The following LRRC66 variants were observed in gnomAD, a reference collection of about 807,000 sequenced individuals.
The protein encoded by LRRC66 is leucine rich repeat containing 66, also known as leucine-rich repeat-containing protein 66.
A neutral mutation model predicts 24.6 loss-of-function variants in LRRC66; 29 were observed. The observed-to-expected ratio is 1.18, with a 90% CI of 0.88 to 1.61. The LOEUF is 1.61. LRRC66 is among the 40% of genes most tolerant of loss of function. The probability of loss-of-function intolerance (pLI) is 0.00; values close to 1 mark genes in which losing one functional copy is unlikely to be tolerated. For missense variants in LRRC66, 1,124 were observed against 1,058.0 expected, an observed-to-expected ratio of 1.06 and a Z score of -0.87; for synonymous variants, 411 against 397.6, an observed-to-expected ratio of 1.03 and a Z score of -0.40.
intron 2 of LRRC66, among the ~76,000 whole-genome samples, chr4:52,004,513 G>T (rs904912559): frequency 6.6e-6 from 1 of 152,184 alleles, no homozygotes; most frequent in Non-Finnish European, 1.5e-5. Context: ...ATTTGGCACT[G>T]AAAATAAATA....
chr4:52,006,192 C>T (rs1736580125), intron 2 of LRRC66, among the ~76,000 whole-genome samples: 2 of 152,124 alleles, frequency 1.3e-5, no homozygotes, highest in Non-Finnish European at 2.9e-5. Flanking sequence ...CCAGCCATCC[C>T]ATTACTGGGT....
At chr4:52,011,715 G>GT (rs1736707864) in intron 2 of LRRC66, among the ~76,000 whole-genome samples, 2 of 152,274 alleles carry the variant, frequency 1.3e-5, no homozygotes, top group South Asian at 4.1e-4. Flanking sequence ...TGTTTTACAT[G>GT]TATCATCACT....
chr4:51,997,525 T>C (rs112324011), intron 4 of LRRC66, among the ~76,000 whole-genome samples: 1 of 152,300 alleles, frequency 6.6e-6, no homozygotes, highest in Non-Finnish European at 1.5e-5. Context: ...GCTGAGTGAG[T>C]TGAACTGTGT....
In LRRC66 at chr4:51,995,027, G is replaced by C. The variant is rs2110189577; in HGVS notation, c.1995C>G (p.Gly665=). 1 of 1,614,124 alleles carries C rather than the reference G, an allele frequency of 6.2e-7. No individual in the cohort carries two copies. Among genetic ancestry groups the C allele is most frequent in the South Asian group, 1.1e-5 (1 of 91,086 alleles). ...EVPYGDPRDT[G]PSVFPPRWDS... ...CCCATCTTGGAGGAAAGACTGATGG[G>C]CCTGTGTCTCTTGGGTCACCGTATG... The change falls in exon 5 of 5, where the codon GGC becomes GGG. Residue 665 remains glycine, a synonymous_variant. Transcript: ENST00000682860.
At chr4:52,008,475 A>C (rs538928718) in intron 2 of LRRC66, among the ~76,000 whole-genome samples, 23 of 152,150 alleles carry the variant, frequency 1.5e-4, no homozygotes, top group African/African-American at 5.5e-4. Context: ...TAAGATTAAA[A>C]GAAGAAATTA....
intron 3 of LRRC66, among the ~76,000 whole-genome samples, chr4:51,999,617 G>A (rs543057729): frequency 2.0e-5 from 3 of 152,212 alleles, no homozygotes; most frequent in African/African-American, 7.2e-5. Context: ...TCTTTTTAGT[G>A]CATGTCTACA....
At chr4:52,007,193 G>A (rs1736608158) in intron 2 of LRRC66, among the ~76,000 whole-genome samples, 1 of 151,966 alleles carries the variant, frequency 6.6e-6, no homozygotes. Flanking sequence ...TTTTTGTTTT[G>A]TTTTGAGACA....
In LRRC66 at chr4:51,995,889, G is replaced by A. The variant is rs1198241954; in HGVS notation, c.1133C>T (p.Ala378Val). Reference sequence around the variant, plus strand: ...TGTGATGAACACTGACAGGCACACCGCCAGAGCCAGGTCCTGGGGAGCGTC... The same window carrying A: ...TGTGATGAACACTGACAGGCACACCACCAGAGCCAGGTCCTGGGGAGCGTC... ...KEDAPQDLAL[A>V]VCLSVFITFL... Residue 378 changes from alanine to valine, a missense_variant, in exon 5 of 5, where the codon GCG becomes GTG. Transcript: ENST00000682860. The A allele has an allele frequency of 1.2e-6, 2 of 1,614,086 alleles. No homozygotes were observed. Among genetic ancestry groups the A allele is most frequent in the Non-Finnish European group, 1.7e-6 (2 of 1,179,992 alleles).
intron 2 of LRRC66, 61 bp from the exon 3 acceptor site, chr4:52,003,453 G>A: frequency 6.9e-7 from 1 of 1,448,128 alleles, no homozygotes; most frequent in Non-Finnish European, 9.5e-7. Context: ...AGCACTGTTT[G>A]TAATGGTGAA....
chr4:52,002,637 A>G (rs73246096), intron 3 of LRRC66, among the ~76,000 whole-genome samples: 11 of 152,336 alleles, frequency 7.2e-5, no homozygotes, highest in Non-Finnish European at 1.5e-4. Context: ...TGTGACATAA[A>G]TCTCCCCAAT....
At chr4:52,000,973 C>T (rs1023999831) in intron 3 of LRRC66, among the ~76,000 whole-genome samples, 1 of 152,234 alleles carries the variant, frequency 6.6e-6, no homozygotes, top group Admixed American at 6.5e-5. Flanking sequence ...ATAACTAATA[C>T]TCCTATCTAT....
At position 51,996,199 on chromosome 4, in the gene LRRC66, G is replaced by A. The variant is rs753585769; in HGVS notation, c.857-34C>T. 1.5e-5 allele frequency: 23 copies of A among 1,502,852 alleles called. No individual in the cohort carries two copies. The South Asian group carries it at 2.3e-4, about 15-fold the overall frequency. The allele number at this position is 1,502,852 out of a possible 1,614,324, so 93.1% of individuals were successfully genotyped here. A position where few individuals can be genotyped will look rare whatever the true frequency, so the allele number is the denominator to read the frequency against. On this transcript the variant is annotated intron_variant, in intron 4 of 4. Transcript: ENST00000682860. ...GGGATTAAAAAAATACACATTGAGCGAACATTGAAATAAGATTTCAGGGGT... is the reference window on the plus strand; with the variant it reads ...GGGATTAAAAAAATACACATTGAGCAAACATTGAAATAAGATTTCAGGGGT...
Position 51,994,459 on chromosome 4 carries a change from T to G in LRRC66, c.2563A>C (p.Thr855Pro), listed in dbSNP as rs1055466487. ...EFSNVDVLQQ[T>P]PPCSAEVPSD... ...GGAACTTCAGCAGAACATGGTGGTG[T>G]TTGCTGTAAAACGTCCACATTTGAA... The change falls in exon 5 of 5, where the codon ACA becomes CCA. Residue 855 changes from threonine to proline, a missense_variant. Thr to Pro is a conservative substitution (Grantham distance 38, BLOSUM62 -1). Coordinates refer to ENST00000682860, the MANE Select transcript of LRRC66 (RefSeq NM_001024611.3). The G allele has an allele frequency of 2.5e-6, 4 of 1,614,092 alleles. No homozygotes were observed. The African/African-American group carries it at 4.0e-5, about 16-fold the overall frequency.
intron 2 of LRRC66, among the ~76,000 whole-genome samples, chr4:52,004,106 G>A (rs913713942): frequency 1.3e-5 from 2 of 152,140 alleles, no homozygotes; most frequent in Admixed American, 1.3e-4. Context: ...GGGTTCGAGT[G>A]ATTCTCCTGC....
At position 51,996,170 on chromosome 4, in the gene LRRC66, A is replaced by G; in HGVS notation, c.857-5T>C. On this transcript the variant is annotated splice_polypyrimidine_tract_variant and splice_region_variant and intron_variant, in intron 4 of 4. Transcript: ENST00000682860. ...CCCCGTTGGCCTCCTCACTCCCTGCAAGTGGGATTAAAAAAATACACATTG... is the reference window on the plus strand; with the variant it reads ...CCCCGTTGGCCTCCTCACTCCCTGCGAGTGGGATTAAAAAAATACACATTG... 6.4e-7 allele frequency: 1 copy of G among 1,568,716 alleles called. No individual in the cohort carries two copies. Among genetic ancestry groups the G allele is most frequent in the Non-Finnish European group, 8.6e-7 (1 of 1,158,484 alleles).
chr4:52,001,975 A>T (rs1229462394), intron 3 of LRRC66, among the ~76,000 whole-genome samples: 1 of 152,246 alleles, frequency 6.6e-6, no homozygotes, highest in Non-Finnish European at 1.5e-5. Context: ...ATTTAAACAT[A>T]TATATCAGGT....
Position 52,017,350 on chromosome 4 carries a change from T to G in LRRC66, c.264A>C (p.Lys88Asn). The G allele has an allele frequency of 6.2e-7, 1 of 1,614,140 alleles. No individual in the cohort carries two copies. The highest frequency in any genetic ancestry group is 8.5e-7 in the Non-Finnish European group (1 of 1,179,996). The change falls in exon 2 of 5, where the codon AAA becomes AAC. Residue 88 changes from lysine to asparagine, a missense_variant. By Grantham distance (94) the Lys-to-Asn change is moderately conservative. Transcript: ENST00000682860. ...TGAGATTGTTACTGAGGTCCAGATG[T>G]TTTATTTTCCACTCTTCTTTTTTCG... ...SHTKKEEWKI[K>N]HLDLSNNLIS...
Position 51,995,166 on chromosome 4 carries a change from T to C in LRRC66, c.1856A>G (p.Glu619Gly), listed in dbSNP as rs761159345. 3 of 1,614,214 alleles carry C rather than the reference T, an allele frequency of 1.9e-6. No individual in the cohort carries two copies. The highest frequency in any genetic ancestry group is 1.1e-5 in the South Asian group (1 of 91,090). ...ACTCACTTGCCTTTCCTTAGAAAAT[T>C]CCATCTGCGAGTCCCAAAGTGACTG... Reference protein sequence around the residue: ...TEQSLWDSQMEFSKERQVSSS... With the variant: ...TEQSLWDSQMGFSKERQVSSS... Residue 619 changes from glutamate to glycine, a missense_variant, in exon 5 of 5, where the codon GAA becomes GGA. Physicochemically the swap from Glu to Gly is moderately conservative, Grantham distance 98. Transcript: ENST00000682860.
intron 2 of LRRC66, 100 bp downstream of exon 2, chr4:52,017,018 T>C: frequency 7.6e-7 from 1 of 1,312,982 alleles, no homozygotes; most frequent in South Asian, 1.5e-5. Flanking sequence ...TGCTTTACTT[T>C]CAGCTGTCCC....
Sources: gnomAD v4.1 joint callset for allele counts (sites outside exome capture counted in the v4.1 genomes callset) on GRCh38, gnomAD v4.1.1 for gene constraint, MANE v1.5 for transcripts, NCBI Gene and HGNC (gene_info 2026-07-23, HGNC 2026-07-21) for gene names.